Variants in RGS9 observed in about 807,000 individuals in gnomAD.
The protein encoded by RGS9 is regulator of G protein signaling 9.
Under a neutral mutation model 102.0 loss-of-function variants are expected in RGS9, and 78 were observed. The observed-to-expected ratio is 0.76, with a 90% CI of 0.64 to 0.92. The LOEUF (loss-of-function observed/expected upper bound fraction) is 0.92, where lower values mean the gene tolerates loss of function less well. Among genes scored for constraint, RGS9 ranks in the 40% least tolerant of loss-of-function variants. RGS9 has a pLI of 0.00. For synonymous variants in RGS9, 353 were observed against 318.6 expected, an observed-to-expected ratio of 1.11 and a Z score of -1.15; for missense variants, 833 against 866.1, an observed-to-expected ratio of 0.96 and a Z score of 0.48.
At chr17:65,153,286 C>T (rs548297737) in intron 1 of RGS9, 136 bp from the exon 2 acceptor site, 5 of 786,564 alleles carry the variant, frequency 6.4e-6, no homozygotes, top group African/African-American at 5.1e-5. Flanking sequence ...TCAGTGCCCA[C>T]CTGGCTCCTG....
chr17:65,223,154 A>G (rs1905434932), intron 17 of RGS9, among the ~76,000 whole-genome samples: 1 of 152,238 alleles, frequency 6.6e-6, no homozygotes, highest in African/African-American at 2.4e-5. Context: ...CAATTATAAT[A>G]GTTATTGCAA....
chr17:65,184,482 G>A (rs1259254957), intron 9 of RGS9, among the ~76,000 whole-genome samples: 1 of 152,078 alleles, frequency 6.6e-6, no homozygotes, highest in Admixed American at 6.5e-5. Flanking sequence ...TCTGCTATGT[G>A]CCAGGGACCT....
At chr17:65,186,188 T>G (rs1912113513) in intron 9 of RGS9, among the ~76,000 whole-genome samples, 1 of 150,810 alleles carries the variant, frequency 6.6e-6, no homozygotes, top group African/African-American at 2.4e-5. Context: ...ATTTATTTAT[T>G]TATTTATTTA....
chr17:65,200,176 C>A (rs537038951), intron 13 of RGS9, among the ~76,000 whole-genome samples: 1 of 152,002 alleles, frequency 6.6e-6, no homozygotes, highest in Non-Finnish European at 1.5e-5. Context: ...GGATTAGAGG[C>A]GCCCGCCACC....
At chr17:65,217,134 C>T (rs550529097) in intron 17 of RGS9, among the ~76,000 whole-genome samples, 4 of 152,270 alleles carry the variant, frequency 2.6e-5, no homozygotes, top group South Asian at 2.1e-4. Flanking sequence ...TGGCCAGCAG[C>T]GTTGAGCAGA....
At chr17:65,152,128 G>C (rs1290662666) in intron 1 of RGS9, among the ~76,000 whole-genome samples, 1 of 152,204 alleles carries the variant, frequency 6.6e-6, no homozygotes, top group Non-Finnish European at 1.5e-5. Flanking sequence ...CTTTAGGAAT[G>C]GTCAGGGTGG....
At chr17:65,150,662 C>G (rs1432129535) in intron 1 of RGS9, among the ~76,000 whole-genome samples, 1 of 152,138 alleles carries the variant, frequency 6.6e-6, no homozygotes, top group Admixed American at 6.5e-5. Context: ...GAGTCCTTCT[C>G]TCCTGCCCAG....
chr17:65,226,251 G>A (rs916972794), intron 18 of RGS9, among the ~76,000 whole-genome samples: 1 of 152,198 alleles, frequency 6.6e-6, no homozygotes, highest in African/African-American at 2.4e-5. Context: ...GAGTTTTGGG[G>A]GAGACAGTCA....
chr17:65,201,205 C>T (rs770821902), intron 13 of RGS9, among the ~76,000 whole-genome samples: 4 of 152,144 alleles, frequency 2.6e-5, no homozygotes, highest in African/African-American at 4.8e-5. Flanking sequence ...TGAACATATG[C>T]GTGGTACCTC....
intron 13 of RGS9, among the ~76,000 whole-genome samples, chr17:65,198,963 A>G (rs1451930688): frequency 6.6e-6 from 1 of 152,212 alleles, no homozygotes; most frequent in Non-Finnish European, 1.5e-5. Context: ...CAAAGTGACA[A>G]CATACACCCT....
chr17:65,158,226 A>T, intron 2 of RGS9, 69 bp from the exon 3 acceptor site: 1 of 1,454,930 alleles, frequency 6.9e-7, no homozygotes, highest in East Asian at 2.3e-5. Flanking sequence ...CCAGTCAGGC[A>T]ACAGCGTGGA....
At chr17:65,200,327 A>G (rs997067905) in intron 13 of RGS9, among the ~76,000 whole-genome samples, 2 of 152,200 alleles carry the variant, frequency 1.3e-5, no homozygotes, top group Non-Finnish European at 2.9e-5. Flanking sequence ...ACCCATGCCC[A>G]GCCGAAATCT....
In RGS9 at chr17:65,152,198, G is replaced by A. The variant is rs1008176187; in HGVS notation, c.58-1224G>A. Reference sequence around the variant, plus strand: ...GGAGGGAGCCAAGTTGGTCTCTTGCGAAGACTGGCCCAGGTAGAGGGAAGA... The same window carrying A: ...GGAGGGAGCCAAGTTGGTCTCTTGCAAAGACTGGCCCAGGTAGAGGGAAGA... On this transcript the variant is annotated intron_variant, in intron 1 of 18. Coordinates refer to ENST00000262406, the MANE Select transcript of RGS9 (RefSeq NM_003835.4). 2.6e-5 allele frequency among the ~76,000 whole-genome samples: 4 copies of A among 152,190 alleles called. 1 individual carries two copies. Among genetic ancestry groups the A allele is most frequent in the Admixed American group, 1.3e-4 (2 of 15,274 alleles).
chr17:65,153,665 G>A (rs1007054113), intron 2 of RGS9, 147 bp downstream of exon 2: 2 of 687,962 alleles, frequency 2.9e-6, no homozygotes, highest in Non-Finnish European at 5.3e-6. Flanking sequence ...GCCGAGGCGG[G>A]TGGATCACAA....
chr17:65,138,576 T>A (rs1910002876), intron 1 of RGS9, among the ~76,000 whole-genome samples: 1 of 152,018 alleles, frequency 6.6e-6, no homozygotes, highest in Admixed American at 6.6e-5. Flanking sequence ...CTCGTGCTCA[T>A]CTTCCGGGTA....
intron 2 of RGS9, among the ~76,000 whole-genome samples, chr17:65,158,044 T>C (rs1567863917): frequency 6.6e-6 from 1 of 152,080 alleles, no homozygotes; most frequent in Non-Finnish European, 1.5e-5. Context: ...AGCGTGTGTG[T>C]ATGTATGTGT....
intron 14 of RGS9, among the ~76,000 whole-genome samples, chr17:65,202,444 T>TGAGAGA (rs1555616144): frequency 3.0e-4 from 39 of 131,770 alleles, no homozygotes; most frequent in African/African-American, 8.6e-4. Context: ...TGTGTGTGTG[T>TGAGAGA]GAGAGAGAGA....
chr17:65,200,276 C>T (rs563654422), intron 13 of RGS9, among the ~76,000 whole-genome samples: 1 of 152,214 alleles, frequency 6.6e-6, no homozygotes, highest in South Asian at 2.1e-4. Context: ...GTGATCCGCC[C>T]CCCTCAGCCT....
intron 1 of RGS9, among the ~76,000 whole-genome samples, chr17:65,138,994 C>CCCAGCATCCCCTCCTCCACA (rs1910028709): frequency 7.0e-6 from 1 of 143,546 alleles, no homozygotes; most frequent in Non-Finnish European, 1.5e-5. Flanking sequence ...CCTCCTCCAC[C>CCCAGCATCCCCTCCTCCACA]CCAGCATCCC....
Sources: allele counts gnomAD v4.1 joint callset (sites outside exome capture counted in the v4.1 genomes callset), GRCh38; gene constraint gnomAD v4.1.1; transcripts MANE v1.5; gene names NCBI Gene and HGNC (gene_info 2026-07-23, HGNC 2026-07-21).